COPS2: variants seen among roughly 807,000 people sequenced by gnomAD.
The protein encoded by COPS2 is COP9 signalosome complex subunit 2.
Under a neutral mutation model 66.1 loss-of-function variants are expected in COPS2, and 10 were observed. The ratio of observed to expected loss-of-function variants is 0.15; its 90% confidence interval spans 0.09 to 0.26. The LOEUF (loss-of-function observed/expected upper bound fraction) is 0.26, where lower values mean the gene tolerates loss of function less well. COPS2 is among the 10% of genes least tolerant of loss of function. The probability of loss-of-function intolerance (pLI) is 1.00; values close to 1 mark genes in which losing one functional copy is unlikely to be tolerated. For missense variants in COPS2, 215 were observed against 513.3 expected, an observed-to-expected ratio of 0.42 and a Z score of 5.62; for synonymous variants, 179 against 171.3, an observed-to-expected ratio of 1.04 and a Z score of -0.35.
At chr15:49,133,206 T>C (rs2084226555) in intron 9 of COPS2, among the ~76,000 whole-genome samples, 1 of 152,182 alleles carries the variant, frequency 6.6e-6, no homozygotes, top group Non-Finnish European at 1.5e-5. Flanking sequence ...GCCAGGATGG[T>C]CTTGATCTCC....
rs1294489817 is a variant in COPS2 at position 49,127,169 on chromosome 15, T to C, written c.*781A>G. On this transcript the variant is annotated 3_prime_UTR_variant, in exon 13 of 13. Coordinates refer to ENST00000388901, the MANE Select transcript of COPS2 (RefSeq NM_004236.4). ...ACTATGCACGTGTTTTGTTAGAAAG[T>C]AGTTCTCCTTACTCTATCAATAAAG... 6.6e-6 allele frequency: 1 copy of C among 152,224 alleles called. No individual in the cohort carries two copies. The highest frequency in any genetic ancestry group is 1.5e-5 in the Non-Finnish European group (1 of 68,024). The allele number at this position is 152,224 out of a possible 1,614,324, so 9.4% of individuals were successfully genotyped here. A position where few individuals can be genotyped will look rare whatever the true frequency, so the allele number is the denominator to read the frequency against.
intron 3 of COPS2, among the ~76,000 whole-genome samples, chr15:49,140,687 C>T (rs563077794): frequency 4.6e-5 from 7 of 152,166 alleles, no homozygotes; most frequent in African/African-American, 1.7e-4. Context: ...ACCTTATAAC[C>T]TGCATCCACA....
chr15:49,154,887 C>G (rs941629441), intron 1 of COPS2, among the ~76,000 whole-genome samples: 4 of 152,236 alleles, frequency 2.6e-5, no homozygotes, highest in Non-Finnish European at 4.4e-5. Flanking sequence ...AGCAAAACCT[C>G]CTCCCCAGCT....
chr15:49,147,149 T>C (rs549627053), intron 1 of COPS2, among the ~76,000 whole-genome samples: 21 of 152,282 alleles, frequency 1.4e-4, no homozygotes, highest in Middle Eastern at 6.8e-3. Context: ...TTTTATTAAG[T>C]TGGAACAAAT....
intron 1 of COPS2, among the ~76,000 whole-genome samples, chr15:49,146,105 G>A (rs548412659): frequency 1.3e-5 from 2 of 152,230 alleles, no homozygotes; most frequent in African/African-American, 4.8e-5. Flanking sequence ...GTGAAGAAAG[G>A]TATGCTGTGT....
chr15:49,137,081 AAT>A, intron 6 of COPS2, 67 bp downstream of exon 6: 1 of 930,364 alleles, frequency 1.1e-6, no homozygotes, highest in East Asian at 2.7e-5. Context: ...CAATATTTTG[AAT>A]ATAATTATTG....
intron 6 of COPS2, among the ~76,000 whole-genome samples, chr15:49,136,611 G>A (rs2084253724): frequency 6.6e-6 from 1 of 152,084 alleles, no homozygotes; most frequent in Admixed American, 6.5e-5. Context: ...TTTTCACAGG[G>A]TATATAACTA....
chr15:49,128,996 C>A (rs79534199), intron 11 of COPS2, among the ~76,000 whole-genome samples: 9,438 of 152,128 alleles, frequency 0.062, 585 homozygotes, highest in African/African-American at 0.15. Flanking sequence ...TTGAAGTTAA[C>A]CCTTCATCAA....
chr15:49,139,784 A>G (rs1423589788), intron 3 of COPS2, 131 bp from the exon 4 acceptor site: 3 of 647,538 alleles, frequency 4.6e-6, no homozygotes, highest in Non-Finnish European at 7.7e-6. Context: ...AGTTTTGTAA[A>G]AGAGGAACTA....
chr15:49,132,700 T>TAAA, intron 9 of COPS2, among the ~76,000 whole-genome samples: 1 of 152,080 alleles, frequency 6.6e-6, no homozygotes, highest in Non-Finnish European at 1.5e-5. Context: ...TATACTTTTT[T>TAAA]AATGAATAAA....
chr15:49,153,443 T>G (rs1462706139), intron 1 of COPS2, among the ~76,000 whole-genome samples: 1 of 152,164 alleles, frequency 6.6e-6, no homozygotes, highest in African/African-American at 2.4e-5. Flanking sequence ...ACAGAACTCT[T>G]CTACACTTTT....
At chr15:49,152,784 C>G (rs1276563513) in intron 1 of COPS2, among the ~76,000 whole-genome samples, 1 of 152,040 alleles carries the variant, frequency 6.6e-6, no homozygotes, top group Non-Finnish European at 1.5e-5. Flanking sequence ...GATTGTGCCA[C>G]TGCACTCCAG....
chr15:49,155,367 C>G (rs776170561), intron 1 of COPS2, among the ~76,000 whole-genome samples, 158 bp downstream of exon 1: 8 of 152,152 alleles, frequency 5.3e-5, no homozygotes, highest in Non-Finnish European at 1.0e-4. Context: ...GGCCCGGGCC[C>G]GGTGCGGGAA....
intron 1 of COPS2, 29 bp from the exon 2 acceptor site, chr15:49,145,107 GA>G (rs763425204): frequency 5.7e-6 from 7 of 1,222,778 alleles, no homozygotes; most frequent in Middle Eastern, 4.0e-4. Flanking sequence ...AATATTAAAA[GA>G]AAAAAAGAAA....
At chr15:49,144,083 CT>C in intron 3 of COPS2, 143 bp downstream of exon 3, 1 of 637,858 alleles carries the variant, frequency 1.6e-6, no homozygotes, top group Non-Finnish European at 2.8e-6. Context: ...CTTAGTATTA[CT>C]ATAGTCCCAA....
intron 4 of COPS2, among the ~76,000 whole-genome samples, chr15:49,138,589 G>T (rs2084269528): frequency 6.6e-6 from 1 of 152,130 alleles, no homozygotes; most frequent in Non-Finnish European, 1.5e-5. Flanking sequence ...AAAGCTCCAT[G>T]ATATATAGCT....
At chr15:49,153,570 A>G (rs778712147) in intron 1 of COPS2, among the ~76,000 whole-genome samples, 4 of 152,342 alleles carry the variant, frequency 2.6e-5, no homozygotes, top group Non-Finnish European at 4.4e-5. Context: ...AAATCGGTCT[A>G]TTAAAGGAAT....
chr15:49,140,053 C>T (rs997355301), intron 3 of COPS2, among the ~76,000 whole-genome samples: 3 of 152,088 alleles, frequency 2.0e-5, no homozygotes, highest in Non-Finnish European at 2.9e-5. Flanking sequence ...ATGGCGCGAT[C>T]TTGACTCACC....
At chr15:49,135,391 G>A (rs2084243851) in intron 6 of COPS2, among the ~76,000 whole-genome samples, 1 of 152,020 alleles carries the variant, frequency 6.6e-6, no homozygotes, top group South Asian at 2.1e-4. Context: ...GAAATACAAA[G>A]TTAAAAAAGC....
Sources: allele counts gnomAD v4.1 joint callset (sites outside exome capture counted in the v4.1 genomes callset), GRCh38; gene constraint gnomAD v4.1.1; transcripts MANE v1.5; gene names NCBI Gene and HGNC (gene_info 2026-07-23, HGNC 2026-07-21).